ABL1: variants seen among roughly 807,000 people sequenced by gnomAD.
The protein encoded by ABL1 is tyrosine-protein kinase ABL1.
Under a neutral mutation model 94.7 loss-of-function variants are expected in ABL1, and 11 were observed. The ratio of observed to expected loss-of-function variants is 0.12; its 90% CI spans 0.07 to 0.19. The LOEUF is 0.19. Ranked by LOEUF, ABL1 falls within the 10% of genes least tolerant of loss-of-function variation. The pLI is 1.00. For missense variants in ABL1, 1,082 were observed against 1,489.4 expected (o/e 0.73, Z 4.50); for synonymous variants, 656 against 622.4 (o/e 1.05, Z -0.80).
At chr9:130,759,019 T>C (rs374665231) in intron 1 of ABL1, among the ~76,000 whole-genome samples, 3 of 152,322 alleles carry the variant, frequency 2.0e-5, no homozygotes, top group Non-Finnish European at 4.4e-5. Flanking sequence ...GTCCGAACAC[T>C]GAGCTGGTCA....
intron 3 of ABL1, among the ~76,000 whole-genome samples, chr9:130,859,572 G>A (rs970871278): frequency 6.6e-6 from 1 of 151,872 alleles, no homozygotes; most frequent in African/African-American, 2.4e-5. Flanking sequence ...GTATGTCTGA[G>A]GTGGGACTCC....
rs367784610 is a variant in ABL1, at chr9:130,815,180, A to G, written c.137-38884A>G. On this transcript the variant is annotated intron_variant, in intron 1 of 10. Coordinates refer to the ABL1 transcript ENST00000372348. ...GAAACCCCATCTCTACTAAAAGTAC[A>G]AAAATTAGTCAGGCGTGATAGCACA... Among the ~76,000 whole-genome samples the G allele has an allele frequency of 8.2e-4, 125 of 151,966 alleles. 1 individual carries two copies. The highest frequency in any genetic ancestry group is 2.7e-3 in the African/African-American group (110 of 41,450).
At chr9:130,817,304 T>A (rs1277041697) in intron 1 of ABL1, among the ~76,000 whole-genome samples, 1 of 152,210 alleles carries the variant, frequency 6.6e-6, no homozygotes, top group Non-Finnish European at 1.5e-5. Flanking sequence ...TCAATGTACT[T>A]TATATTCTTA....
intron 1 of ABL1, among the ~76,000 whole-genome samples, chr9:130,717,962 A>C (rs1459412083): frequency 6.7e-6 from 1 of 148,972 alleles, no homozygotes; most frequent in Non-Finnish European, 1.5e-5. Context: ...CATTGAGACG[A>C]GATCACGCCA....
chr9:130,836,094 C>T (rs1215476888), intron 1 of ABL1, among the ~76,000 whole-genome samples: 1 of 152,200 alleles, frequency 6.6e-6, no homozygotes, highest in African/African-American at 2.4e-5. Flanking sequence ...AGTGATCTTT[C>T]CATCTCCCCC....
chr9:130,766,826 G>A (rs1275564733), intron 1 of ABL1, among the ~76,000 whole-genome samples: 1 of 152,066 alleles, frequency 6.6e-6, no homozygotes, highest in African/African-American at 2.4e-5. Flanking sequence ...TTGCCATCTG[G>A]GTCTGTCCTC....
intron 1 of ABL1, among the ~76,000 whole-genome samples, chr9:130,733,040 ATT>A (rs1831686915): frequency 6.6e-6 from 1 of 152,208 alleles, no homozygotes; most frequent in Admixed American, 6.5e-5. Context: ...TAATAGAGAT[ATT>A]TGTATGAGAA....
At position 130,801,668 on chromosome 9, in the gene ABL1, G is replaced by C. The variant is rs74382138; in HGVS notation, c.137-52396G>C. 7.9e-3 allele frequency among the ~76,000 whole-genome samples: 1,208 copies of C among 152,288 alleles called. 22 individuals carry two copies. Among genetic ancestry groups the C allele is most frequent in the African/African-American group, 0.027 (1,115 of 41,560 alleles). On this transcript the variant is annotated intron_variant, in intron 1 of 10. Coordinates refer to the ABL1 transcript ENST00000372348. ...GTTTTTTGGTATTGGTTTTAGTTTT[G>C]GGTTGTGTCTTTTTGTTGTTGGCTT...
chr9:130,872,939 G>A lies in ABL1; in HGVS notation c.987G>A (p.Glu329=), dbSNP rs753103329. The change falls in exon 6 of 11, where the codon GAG becomes GAA. Residue 329 remains glutamate, a synonymous_variant. Coordinates refer to ENST00000318560, the MANE Select transcript of ABL1 (RefSeq NM_005157.6). This position sits in a 1 kb window ranked among gnomAD's most constrained non-coding sequence, Gnocchi z 5.0. ...GGAACCTCCTGGACTACCTGAGGGA[G>A]TGCAACCGGCAGGAGGTGAACGCCG... The part of the protein sequence containing the change: ...TYGNLLDYLR[E]CNRQEVNAVV... The A allele has an allele frequency of 6.2e-7, 1 of 1,614,236 alleles. No homozygotes were observed. The highest frequency in any genetic ancestry group is 1.6e-4 in the Middle Eastern group (1 of 6,062).
intron 1 of ABL1, among the ~76,000 whole-genome samples, chr9:130,766,008 T>C (rs764908111): frequency 7.5e-4 from 114 of 152,024 alleles, no homozygotes; most frequent in Middle Eastern, 3.2e-3. Flanking sequence ...AAGGGAAGAA[T>C]TGGGTGAATT....
rs544830855 is a variant in ABL1 at position 130,885,963 on chromosome 9, G to A, written c.*280G>A. 1,147 of 451,644 alleles carry A rather than the reference G, an allele frequency of 2.5e-3. 11 individuals are homozygous for A. The highest frequency in any genetic ancestry group is 0.013 in the Middle Eastern group (21 of 1,646). 28.0% of individuals were successfully genotyped at this position (451,644 alleles called of 1,614,324 possible). A position where few individuals can be genotyped will look rare whatever the true frequency, so the allele number is the denominator to read the frequency against. Reference sequence around the variant, plus strand: ...GACTGCAGTCGGCATGCCAGGACCCGCCAGCCCCGCTCCCACCTAGTGCCC... The same window carrying A: ...GACTGCAGTCGGCATGCCAGGACCCACCAGCCCCGCTCCCACCTAGTGCCC... On this transcript the variant is annotated 3_prime_UTR_variant, in exon 11 of 11. Coordinates refer to ENST00000318560, the MANE Select transcript of ABL1 (RefSeq NM_005157.6).
intron 1 of ABL1, among the ~76,000 whole-genome samples, chr9:130,813,561 CA>C (rs57194587): frequency 0.032 from 1,963 of 60,688 alleles, 13 homozygotes; most frequent in African/African-American, 0.089. Context: ...ACTCCATCTC[CA>C]AAAAAAAAAA....
chr9:130,875,615 C>A (rs1331727258), intron 7 of ABL1, among the ~76,000 whole-genome samples: 1 of 152,112 alleles, frequency 6.6e-6, no homozygotes. Flanking sequence ...GGGTTTTGCT[C>A]ATTGTCTCCC....
intron 3 of ABL1, among the ~76,000 whole-genome samples, chr9:130,856,603 C>T (rs572007033): frequency 2.0e-5 from 3 of 152,286 alleles, no homozygotes; most frequent in South Asian, 4.1e-4. Flanking sequence ...AAAAAGTAAT[C>T]GTCTCCTAAT....
intron 1 of ABL1, among the ~76,000 whole-genome samples, chr9:130,847,712 A>C (rs1408944939): frequency 1.3e-5 from 2 of 152,214 alleles, no homozygotes; most frequent in African/African-American, 4.8e-5. Flanking sequence ...TAATTTGTGG[A>C]ATAGAGCAAG....
chr9:130,877,799 C>T (rs1421199981), intron 7 of ABL1, among the ~76,000 whole-genome samples: 2 of 140,978 alleles, frequency 1.4e-5, no homozygotes, highest in Non-Finnish European at 3.0e-5. Flanking sequence ...CACCACCACA[C>T]CTGGCTAAAT....
At chr9:130,732,630 C>T (rs1240494300) in intron 1 of ABL1, among the ~76,000 whole-genome samples, 1 of 152,176 alleles carries the variant, frequency 6.6e-6, no homozygotes, top group East Asian at 1.9e-4. Context: ...GTTCTATCCA[C>T]TTGGGATACT....
intron 1 of ABL1, among the ~76,000 whole-genome samples, chr9:130,737,508 A>G (rs538384216): frequency 6.6e-6 from 1 of 152,116 alleles, no homozygotes; most frequent in Non-Finnish European, 1.5e-5. Flanking sequence ...ACCTCAGATG[A>G]TCCACCCGCC....
chr9:130,833,681 A>C (rs1233084320), upstream of ABL1, among the ~76,000 whole-genome samples: 2 of 152,216 alleles, frequency 1.3e-5, no homozygotes, highest in African/African-American at 4.8e-5. Context: ...TATGTTGATC[A>C]GAATTTGGCA....
Sources: gnomAD v4.1 joint callset for allele counts (sites outside exome capture counted in the v4.1 genomes callset) on GRCh38, gnomAD v4.1.1 for gene constraint, Gnocchi (gnomAD v3.1) non-coding constraint, MANE v1.5 for transcripts, NCBI Gene and HGNC (gene_info 2026-07-23, HGNC 2026-07-21) for gene names.